NXF1: variants seen among roughly 807,000 people sequenced by gnomAD.
The protein encoded by NXF1 is mRNA export factor TAP.
NXF1 carries 43 observed loss-of-function variants against 92.4 expected under a neutral mutation model. The observed-to-expected ratio is 0.47, with a 90% CI of 0.36 to 0.60. NXF1 has a LOEUF of 0.60. Among genes scored for constraint, NXF1 ranks in the 20% least tolerant of loss-of-function variants. The probability of loss-of-function intolerance (pLI) is 0.00; values close to 1 mark genes in which losing one functional copy is unlikely to be tolerated. For missense variants in NXF1, 576 were observed against 793.0 expected, an observed-to-expected ratio of 0.73 and a Z score of 3.29; for synonymous variants, 288 against 292.2, an observed-to-expected ratio of 0.99 and a Z score of 0.15.
chr11:62,798,788 C>T (rs1590952038), intron 10 of NXF1: 1 of 1,377,224 alleles, frequency 7.3e-7, no homozygotes, highest in East Asian at 2.8e-5. Flanking sequence ...TGTCTCTTTT[C>T]TCTCTGCCTG....
intron 19 of NXF1, among the ~76,000 whole-genome samples, chr11:62,793,103 C>T (rs1437869736): frequency 2.0e-5 from 3 of 149,812 alleles, no homozygotes; most frequent in African/African-American, 4.9e-5. Context: ...TTTTTGAGAC[C>T]GAGTCTTGCT....
intron 17 of NXF1, 74 bp downstream of exon 17, chr11:62,795,827 A>G: frequency 7.4e-7 from 1 of 1,346,252 alleles, no homozygotes; most frequent in African/African-American, 1.4e-5. Flanking sequence ...GTAGCTGGGA[A>G]GCTAAGAGTG....
At chr11:62,801,675 G>T (rs535043933) in intron 6 of NXF1, 44 bp from the exon 7 acceptor site, 27 of 1,606,604 alleles carry the variant, frequency 1.7e-5, no homozygotes, top group East Asian at 2.2e-5. Flanking sequence ...GTTTGTGTGT[G>T]GGGGGTGGGG....
At position 62,805,378 on chromosome 11, in the gene NXF1, G is replaced by T. The variant is rs1216727599; in HGVS notation, c.-22C>A. 1.9e-6 allele frequency: 3 copies of T among 1,610,602 alleles called. No individual in the cohort carries two copies. The highest frequency in any genetic ancestry group is 1.7e-6 in the Non-Finnish European group (2 of 1,178,564). ...CCATGCCACAGCGAAGATCAAGGGC[G>T]GGCTCAGGCGCTGGCCGCTACGCCG... On this transcript the variant is annotated 5_prime_UTR_variant, in exon 1 of 21. Transcript: ENST00000294172.
chr11:62,805,406 A>C lies in NXF1; in HGVS notation c.-50T>G. On this transcript the variant is annotated 5_prime_UTR_variant, in exon 1 of 21. Transcript: ENST00000294172. Reference sequence around the variant, plus strand: ...CTCAGGCGCTGGCCGCTACGCCGGCAAACAACCTAACTCCCAAGCGCTCAG... The same window carrying C: ...CTCAGGCGCTGGCCGCTACGCCGGCCAACAACCTAACTCCCAAGCGCTCAG... 1 of 1,607,044 alleles carries C rather than the reference A, an allele frequency of 6.2e-7. No homozygotes were observed. Among genetic ancestry groups the C allele is most frequent in the Non-Finnish European group, 8.5e-7 (1 of 1,177,068 alleles).
Position 62,796,515 on chromosome 11 carries a change from G to A in NXF1, c.1231C>T (p.His411Tyr). The change falls in exon 14 of 21, where the codon CAT becomes TAT. Residue 411 changes from histidine to tyrosine, a missense_variant. His to Tyr is a moderately conservative substitution (Grantham distance 83). Transcript: ENST00000294172. ...GDRQGLLDAY[H>Y]DGACCSLSIP... ...CTCAGGGAACAGCAGGCCCCATCATGGTAGGCATCCAGGAGCCCTTGTCGG... is the reference window on the plus strand; with the variant it reads ...CTCAGGGAACAGCAGGCCCCATCATAGTAGGCATCCAGGAGCCCTTGTCGG... 1 of 1,614,130 alleles carries A rather than the reference G, an allele frequency of 6.2e-7. No homozygotes were observed. The highest frequency in any genetic ancestry group is 8.5e-7 in the Non-Finnish European group (1 of 1,179,994).
intron 14 of NXF1, 45 bp downstream of exon 14, chr11:62,796,414 TG>T: frequency 1.9e-6 from 3 of 1,612,662 alleles, no homozygotes; most frequent in Non-Finnish European, 2.5e-6. Context: ...CTGTATCTGC[TG>T]GGAAACCCAG....
In NXF1 at chr11:62,796,547, G is replaced by C; in HGVS notation, c.1199C>G (p.Ser400Cys). The change falls in exon 14 of 21, where the codon TCT (serine) becomes TGT (cysteine). Residue 400 changes from serine to cysteine, a missense_variant. Around this residue, in one of 2 missense-constraint regions of NXF1, gnomAD observed 425 missense variants for 635.2 expected, o/e 0.67. Transcript: ENST00000294172. ...FLQQYYAIYD[S>C]GDRQGLLDAY... ...ATCCAGGAGCCCTTGTCGGTCTCCAGAGTCGTAAATTGCATAGTACCTATG... is the reference window on the plus strand; with the variant it reads ...ATCCAGGAGCCCTTGTCGGTCTCCACAGTCGTAAATTGCATAGTACCTATG... 1 of 1,613,638 alleles carries C rather than the reference G, an allele frequency of 6.2e-7. No homozygotes were observed. The highest frequency in any genetic ancestry group is 1.1e-5 in the South Asian group (1 of 91,074).
rs143505327 is a variant in NXF1 at position 62,804,778 on chromosome 11, G to A, written c.28+551C>T. Among the ~76,000 whole-genome samples the A allele has an allele frequency of 3.9e-5, 6 of 152,252 alleles. No homozygotes were observed. In the East Asian group the frequency reaches 9.6e-4, roughly 24 times the overall value. On this transcript the variant is annotated intron_variant, in intron 1 of 20. Transcript: ENST00000294172. Reference sequence around the variant, plus strand: ...CTCCCCACACACACTCTTAAGAAATGCTGTTGTTATTCCACATTAAGGGGG... The same window carrying A: ...CTCCCCACACACACTCTTAAGAAATACTGTTGTTATTCCACATTAAGGGGG...
chr11:62,800,342 G>C, intron 10 of NXF1, 35 bp downstream of exon 10: 1 of 1,613,746 alleles, frequency 6.2e-7, no homozygotes. Context: ...AGGGGGTGAA[G>C]GTCCCCAGGA....
intron 1 of NXF1, chr11:62,804,281 T>C (rs187442274): frequency 8.5e-5 from 105 of 1,240,838 alleles, no homozygotes; most frequent in Admixed American, 7.6e-4. Flanking sequence ...ATCAGACCTC[T>C]GAAAGCCACC....
Position 62,796,463 on chromosome 11 carries a change from G to A in NXF1, c.1283C>T (p.Ala428Val). 6.2e-7 allele frequency: 1 copy of A among 1,614,036 alleles called. No individual in the cohort carries two copies. The highest frequency in any genetic ancestry group is 8.5e-7 in the Non-Finnish European group (1 of 1,179,902). ...LSIPFIPQNP[A>V]RSSLAEYFKD... Reference sequence around the variant, plus strand: ...GATTCTGGGATGTGATACTAACCGGGCAGGGTTCTGAGGAATGAAAGGAAT... The same window carrying A: ...GATTCTGGGATGTGATACTAACCGGACAGGGTTCTGAGGAATGAAAGGAAT... Residue 428 changes from alanine to valine, a missense_variant, in exon 14 of 21, where the codon GCC becomes GTC. Coordinates refer to ENST00000294172, the MANE Select transcript of NXF1 (RefSeq NM_006362.5).
At chr11:62,796,220 A>G (rs201844884) in intron 15 of NXF1, 39 bp from the exon 16 acceptor site, 4 of 1,612,310 alleles carry the variant, frequency 2.5e-6, no homozygotes, top group Admixed American at 1.7e-5. Context: ...GCTGCCACAC[A>G]CTCCTGAGTT....
rs1452562730 is a variant in NXF1, at chr11:62,797,109, T to TTGATG, written c.1178+69_1178+73dup. The TTGATG allele has an allele frequency of 1.6e-6, 2 of 1,232,328 alleles. 1 individual carries two copies. The highest frequency in any genetic ancestry group is 2.3e-6 in the Non-Finnish European group (2 of 856,044). The allele number at this position is 1,232,328 out of a possible 1,614,324, so 76.3% of individuals were successfully genotyped here. ...CAAAACAAAAAACAAAACAAAAAGATTGATGTGTGCCTGGGTCTGCCCACC... is the reference window on the plus strand; with the variant it reads ...CAAAACAAAAAACAAAACAAAAAGATTGATGTGATGTGTGCCTGGGTCTGCCCACC... On this transcript the variant is annotated intron_variant, in intron 13 of 20. Transcript: ENST00000294172.
Position 62,801,100 on chromosome 11 carries a change from T to C in NXF1, c.900A>G (p.Gly300=). Residue 300 remains glycine (G), a synonymous_variant, in exon 9 of 21, where the codon GGA becomes GGG. Coordinates refer to ENST00000294172, the MANE Select transcript of NXF1 (RefSeq NM_006362.5). ...APNLKILNLS[G]NELKSERELD... ...CCGAGCTATCAATTCTCACTTCATT[T>C]CCAGAAAGGTTTAGGATCTTCAGGT... 1 of 1,613,000 alleles carries C rather than the reference T, an allele frequency of 6.2e-7. No homozygotes were observed. The highest frequency in any genetic ancestry group is 8.5e-7 in the Non-Finnish European group (1 of 1,178,954).
At chr11:62,793,148 G>A (rs1176258540) in intron 19 of NXF1, among the ~76,000 whole-genome samples, 1 of 150,918 alleles carries the variant, frequency 6.6e-6, no homozygotes, top group Admixed American at 6.6e-5. Context: ...GCGTGATCTC[G>A]GCTCACTGCA....
chr11:62,799,892 A>G, intron 10 of NXF1: 1 of 987,466 alleles, frequency 1.0e-6, no homozygotes, highest in Non-Finnish European at 1.2e-6. Context: ...GTGGATCCTG[A>G]GAAAAGGGTC....
intron 1 of NXF1, among the ~76,000 whole-genome samples, chr11:62,804,805 G>A (rs2084516330): frequency 6.6e-6 from 1 of 152,098 alleles, no homozygotes; most frequent in Non-Finnish European, 1.5e-5. Context: ...TTAAGGGGGT[G>A]GAAAACGAGA....
In NXF1 at chr11:62,801,783, T is replaced by G; in HGVS notation, c.595A>C (p.Thr199Pro). 1 of 1,613,854 alleles carries G rather than the reference T, an allele frequency of 6.2e-7. No homozygotes were observed. The highest frequency in any genetic ancestry group is 1.1e-5 in the South Asian group (1 of 91,060). Residue 199 changes from threonine (T) to proline (P), a missense_variant, in exon 6 of 21, where the codon ACT (threonine) becomes CCT (proline). Transcript: ENST00000294172. ...IIINSSAPPH[T>P]ILNELKPEQV... The stretch of plus-strand genomic sequence containing the variant: ...TCTGGCTTCAGTTCATTCAGTATAG[T>G]GTGGGGTGGAGCAGAAGAGTTGATG...
Sources: allele counts gnomAD v4.1 joint callset (sites outside exome capture counted in the v4.1 genomes callset), GRCh38; gene constraint gnomAD v4.1.1; regional missense constraint gnomAD v4.1.1; transcripts MANE v1.5; gene names NCBI Gene and HGNC (gene_info 2026-07-23, HGNC 2026-07-21).